The following RNF13 variants were observed in gnomAD, a reference collection of about 807,000 sequenced individuals.
RNF13 encodes ring finger protein 13, also known as E3 ubiquitin-protein ligase RNF13.
A neutral mutation model predicts 37.7 loss-of-function variants in RNF13; 19 were observed. That is an observed-to-expected ratio of 0.50 (90% CI 0.35 to 0.74). RNF13 has a LOEUF of 0.74. RNF13 is among the 30% of genes least tolerant of loss of function. The pLI, the probability that RNF13 is intolerant of heterozygous loss-of-function variation, is 0.01. For missense variants in RNF13, 375 were observed against 453.0 expected (o/e 0.83, Z 1.56); for synonymous variants, 144 against 157.8 (o/e 0.91, Z 0.65).
chr3:149,860,270 A>ATAT (rs1553756034), intron 3 of RNF13, among the ~76,000 whole-genome samples: 46 of 104,088 alleles, frequency 4.4e-4, no homozygotes, highest in African/African-American at 7.6e-4. Context: ...AAAAAAAAAA[A>ATAT]ATATATATAT....
intron 6 of RNF13, 143 bp downstream of exon 6, chr3:149,902,305 A>G: frequency 2.2e-6 from 1 of 455,334 alleles, no homozygotes; most frequent in Non-Finnish European, 4.0e-6. Flanking sequence ...TATGCTTTTA[A>G]GACGTAGTAT....
intron 3 of RNF13, among the ~76,000 whole-genome samples, chr3:149,866,415 G>A (rs1458121519): frequency 6.6e-6 from 1 of 152,220 alleles, no homozygotes; most frequent in African/African-American, 2.4e-5. Flanking sequence ...GGCGCTGGTG[G>A]GAGTGTAGCA....
At position 149,868,903 on chromosome 3, in the gene RNF13, G is replaced by GT. The variant is rs775626345; in HGVS notation, c.196-3120dup. Among the ~76,000 whole-genome samples, 22 of 151,650 alleles carry GT rather than the reference G, an allele frequency of 1.5e-4. 2 individuals are homozygous for GT. Among genetic ancestry groups the GT allele is most frequent in the Non-Finnish European group, 2.2e-4 (15 of 67,830 alleles). ...TTACATCTTTCTCAAGTTTTGGAAA[G>GT]TTTTTTATTATTTTTTTGAATAAGC... On this transcript the variant is annotated intron_variant, in intron 3 of 9. Coordinates refer to ENST00000392894, the MANE Select transcript of RNF13 (RefSeq NM_183381.3).
chr3:149,869,572 C>T (rs1234988637), intron 3 of RNF13, among the ~76,000 whole-genome samples: 1 of 151,474 alleles, frequency 6.6e-6, no homozygotes, highest in African/African-American at 2.4e-5. Context: ...CGCCACTGCA[C>T]TCCAGCCTGG....
intron 8 of RNF13, among the ~76,000 whole-genome samples, chr3:149,933,405 G>T (rs1342164415): frequency 6.6e-6 from 1 of 151,756 alleles, no homozygotes; most frequent in Non-Finnish European, 1.5e-5. Context: ...CCACATGGAA[G>T]CCACCAAGGA....
In RNF13 at chr3:149,952,605, C is replaced by CT. The variant is rs548564000; in HGVS notation, c.701-7440dup. Reference sequence around the variant, plus strand: ...CTTCTGTACTTAGTAAAAGGAAATGCTTTTTTTTTTTGAGATGGAGTTTCG... The same window carrying CT: ...CTTCTGTACTTAGTAAAAGGAAATGCTTTTTTTTTTTTGAGATGGAGTTTCG... On this transcript the variant is annotated intron_variant, in intron 8 of 9. Coordinates refer to ENST00000392894, the MANE Select transcript of RNF13 (RefSeq NM_183381.3). 1.8e-3 allele frequency among the ~76,000 whole-genome samples: 263 copies of CT among 145,986 alleles called. 1 individual carries two copies. Among genetic ancestry groups the CT allele is most frequent in the African/African-American group, 5.8e-3 (233 of 39,944 alleles).
chr3:149,905,781 GT>G (rs1034909757), intron 6 of RNF13, among the ~76,000 whole-genome samples: 5 of 150,084 alleles, frequency 3.3e-5, no homozygotes, highest in African/African-American at 4.9e-5. Flanking sequence ...TTCCAATGGG[GT>G]TTTTTTTTGT....
chr3:149,855,865 A>G (rs1266457615), intron 3 of RNF13, among the ~76,000 whole-genome samples: 1 of 152,184 alleles, frequency 6.6e-6, no homozygotes, highest in Non-Finnish European at 1.5e-5. Flanking sequence ...CTGATGGGCA[A>G]AAGTATTATC....
At chr3:149,861,839 C>T (rs1390831172) in intron 3 of RNF13, among the ~76,000 whole-genome samples, 1 of 152,116 alleles carries the variant, frequency 6.6e-6, no homozygotes, top group Non-Finnish European at 1.5e-5. Context: ...ATAGGTTCCT[C>T]AAGTATCCTG....
intron 8 of RNF13, among the ~76,000 whole-genome samples, chr3:149,937,565 T>TAGA (rs1719826493): frequency 6.6e-6 from 1 of 152,214 alleles, no homozygotes. Context: ...AGATTGCTTC[T>TAGA]ACTCTGCCAT....
chr3:149,926,427 A>G (rs1453174132), intron 8 of RNF13, among the ~76,000 whole-genome samples: 3 of 151,952 alleles, frequency 2.0e-5, no homozygotes, highest in Non-Finnish European at 1.5e-5. Flanking sequence ...AGCCAGGATG[A>G]TCTCGATCTC....
chr3:149,885,764 G>T (rs114524134), intron 4 of RNF13, among the ~76,000 whole-genome samples: 1,894 of 152,076 alleles, frequency 0.012, 33 homozygotes, highest in African/African-American at 0.044. Flanking sequence ...CTTTTGCTTT[G>T]GTTGCCTGTG....
intron 8 of RNF13, among the ~76,000 whole-genome samples, chr3:149,949,331 G>A (rs1409859622): frequency 6.6e-6 from 1 of 151,656 alleles, no homozygotes; most frequent in Non-Finnish European, 1.5e-5. Context: ...GATTGGCACC[G>A]CTTTTCTTTC....
intron 8 of RNF13, among the ~76,000 whole-genome samples, chr3:149,928,004 CTTTTT>C (rs766839142): frequency 1.8e-5 from 2 of 111,196 alleles, no homozygotes; most frequent in Non-Finnish European, 3.7e-5. Context: ...AAGCAAAAAC[CTTTTT>C]TTTTTTTTTT....
intron 8 of RNF13, among the ~76,000 whole-genome samples, chr3:149,950,065 C>T (rs1011739592): frequency 1.3e-5 from 2 of 152,102 alleles, no homozygotes; most frequent in East Asian, 3.9e-4. Flanking sequence ...CAAGATGTGT[C>T]CAGTATACTA....
chr3:149,895,469 G>A lies in RNF13; in HGVS notation c.322-4G>A. ...AATTTTTTTTTTTTTTTTTTGCTTT[G>A]CAGGTTTTAAATGCACAGAGAGCAG... On this transcript the variant is annotated splice_region_variant and splice_polypyrimidine_tract_variant and intron_variant, in intron 4 of 9. Transcript: ENST00000392894. The A allele has an allele frequency of 7.4e-7, 1 of 1,355,802 alleles. No individual in the cohort carries two copies. The highest frequency in any genetic ancestry group is 9.8e-7 in the Non-Finnish European group (1 of 1,021,308). 84.0% of individuals were successfully genotyped at this position (1,355,802 alleles called of 1,614,324 possible).
At chr3:149,921,055 A>G in intron 7 of RNF13, 79 bp from the exon 8 acceptor site, 1 of 486,534 alleles carries the variant, frequency 2.1e-6, no homozygotes. Context: ...AGAAACTTAA[A>G]AGATATTTGT....
intron 1 of RNF13, among the ~76,000 whole-genome samples, chr3:149,831,696 A>G (rs778273132): frequency 8.5e-5 from 13 of 152,196 alleles, no homozygotes; most frequent in Non-Finnish European, 1.5e-4. Context: ...ACTGTTGGGA[A>G]GGCATGATTG....
chr3:149,881,627 G>A (rs888517345), intron 4 of RNF13, among the ~76,000 whole-genome samples: 3 of 152,074 alleles, frequency 2.0e-5, no homozygotes, highest in African/African-American at 7.2e-5. Context: ...TACTGCACCC[G>A]GCCAACATAA....
Sources: allele counts gnomAD v4.1 joint callset (sites outside exome capture counted in the v4.1 genomes callset), GRCh38; gene constraint gnomAD v4.1.1; transcripts MANE v1.5; gene names NCBI Gene and HGNC (gene_info 2026-07-23, HGNC 2026-07-21).